The following DOCK2 variants were observed in gnomAD, a reference collection of about 807,000 sequenced individuals.
DOCK2 encodes dedicator of cytokinesis 2.
In DOCK2, 87 loss-of-function variants were observed where a neutral mutation model predicts 248.9. The ratio of observed to expected loss-of-function variants is 0.35; its 90% CI spans 0.29 to 0.42. The LOEUF (loss-of-function observed/expected upper bound fraction) is 0.42, where lower values mean the gene tolerates loss of function less well. Among genes scored for constraint, DOCK2 ranks in the 10% least tolerant of loss-of-function variants. The probability of loss-of-function intolerance (pLI) is 1.00; values close to 1 mark genes in which losing one functional copy is unlikely to be tolerated. For missense variants in DOCK2, 1,747 were observed against 2,300.2 expected (o/e 0.76, Z 4.92); for synonymous variants, 805 against 821.6 (o/e 0.98, Z 0.35).
intron 27 of DOCK2, among the ~76,000 whole-genome samples, chr5:169,926,530 G>C (rs1017041366): frequency 6.6e-6 from 1 of 152,200 alleles, no homozygotes; most frequent in African/African-American, 2.4e-5. Flanking sequence ...TGAGAAAGAT[G>C]AATCTGGGTG....
chr5:169,662,427 GT>G (rs1758495893), intron 2 of DOCK2, among the ~76,000 whole-genome samples: 1 of 151,818 alleles, frequency 6.6e-6, no homozygotes, highest in Non-Finnish European at 1.5e-5. Flanking sequence ...TCATTTTGTT[GT>G]TTTCTTTGGT....
At chr5:170,003,524 G>A (rs982789564) in intron 30 of DOCK2, among the ~76,000 whole-genome samples, 10 of 152,240 alleles carry the variant, frequency 6.6e-5, no homozygotes, top group Non-Finnish European at 4.4e-5. Context: ...TGCAGTCTAG[G>A]AAGGCTTCAT....
At chr5:169,761,659 AG>A (rs1764495689) in intron 25 of DOCK2, 34 bp downstream of exon 25, 2 of 1,581,722 alleles carry the variant, frequency 1.3e-6, no homozygotes, top group African/African-American at 2.7e-5. Flanking sequence ...GGGTGGGGTA[AG>A]GGGCCAATAA....
intron 26 of DOCK2, among the ~76,000 whole-genome samples, chr5:169,822,804 C>A (rs954560123): frequency 6.6e-6 from 1 of 152,068 alleles, no homozygotes; most frequent in African/African-American, 2.4e-5. Flanking sequence ...CACAAAAAAA[C>A]CCTTCAAAAA....
At chr5:169,750,359 C>T (rs1763833196) in intron 23 of DOCK2, among the ~76,000 whole-genome samples, 1 of 152,240 alleles carries the variant, frequency 6.6e-6, no homozygotes, top group Non-Finnish European at 1.5e-5. Context: ...ATTTGCCGCT[C>T]TCAAGACACC....
At chr5:169,985,644 T>C (rs867505837) in intron 28 of DOCK2, among the ~76,000 whole-genome samples, 184 bp from the exon 29 acceptor site, 12 of 152,230 alleles carry the variant, frequency 7.9e-5, no homozygotes, top group African/African-American at 2.7e-4. Context: ...CATGTTCCAC[T>C]GACATTTGGG....
At chr5:169,871,059 CCT>C (rs1771936906) in intron 27 of DOCK2, among the ~76,000 whole-genome samples, 1 of 152,096 alleles carries the variant, frequency 6.6e-6, no homozygotes. Flanking sequence ...GGGAGAGGGA[CCT>C]CTCTGAGTTC....
intron 27 of DOCK2, among the ~76,000 whole-genome samples, chr5:169,854,479 C>T (rs1770790785): frequency 2.0e-5 from 3 of 152,224 alleles, no homozygotes; most frequent in Non-Finnish European, 1.5e-5. Flanking sequence ...CCACCATGCC[C>T]AGCCCTGTAA....
At chr5:169,964,711 C>G (rs2113752804) in intron 27 of DOCK2, among the ~76,000 whole-genome samples, 1 of 152,340 alleles carries the variant, frequency 6.6e-6, no homozygotes, top group Admixed American at 6.5e-5. Context: ...GTCTTCAAAT[C>G]TTATTGGTGC....
At chr5:169,685,911 A>T (rs186789420) in intron 8 of DOCK2, among the ~76,000 whole-genome samples, 3 of 152,238 alleles carry the variant, frequency 2.0e-5, no homozygotes, top group African/African-American at 7.2e-5. Context: ...GCTATTTCCC[A>T]CGTAAGTCTG....
intron 38 of DOCK2, among the ~76,000 whole-genome samples, chr5:170,045,602 A>T (rs766222554): frequency 3.0e-4 from 45 of 152,072 alleles, no homozygotes; most frequent in Non-Finnish European, 4.7e-4. Flanking sequence ...ATCTGTGCCT[A>T]CTCAATTGTT....
chr5:169,789,344 G>T (rs977227241), intron 25 of DOCK2, among the ~76,000 whole-genome samples: 1 of 152,192 alleles, frequency 6.6e-6, no homozygotes, highest in Non-Finnish European at 1.5e-5. Flanking sequence ...ATAATAGAAC[G>T]AATTATATTT....
intron 43 of DOCK2, 63 bp downstream of exon 43, chr5:170,056,831 C>T (rs1757147719): frequency 1.4e-5 from 21 of 1,459,722 alleles, no homozygotes; most frequent in Admixed American, 1.8e-5. Context: ...GAGCATGCAT[C>T]GGCCAGCCTC....
intron 12 of DOCK2, 59 bp downstream of exon 12, chr5:169,699,517 T>C (rs1561612672): frequency 6.6e-7 from 1 of 1,515,634 alleles, no homozygotes; most frequent in Non-Finnish European, 9.0e-7. Context: ...CCCTAACTCT[T>C]CAGCAAATGA....
At chr5:169,681,960 C>T (rs1001172683) in intron 7 of DOCK2, 81 bp downstream of exon 7, 3 of 1,557,558 alleles carry the variant, frequency 1.9e-6, no homozygotes, top group Non-Finnish European at 2.6e-6. Flanking sequence ...GCTAATGAAC[C>T]AGACTGTGTA....
chr5:170,068,636 A>C (rs1468052400), intron 45 of DOCK2, among the ~76,000 whole-genome samples: 35 of 152,206 alleles, frequency 2.3e-4, no homozygotes, highest in Admixed American at 2.3e-3. Flanking sequence ...CATGAGCCCC[A>C]GAAAGGGGCT....
intron 27 of DOCK2, among the ~76,000 whole-genome samples, chr5:169,845,839 T>C (rs766560683): frequency 1.3e-5 from 2 of 152,164 alleles, no homozygotes; most frequent in Non-Finnish European, 2.9e-5. Context: ...GGAGCAGAAA[T>C]GTACCTGAAA....
At chr5:169,916,105 C>G (rs1774859802) in intron 27 of DOCK2, among the ~76,000 whole-genome samples, 1 of 152,178 alleles carries the variant, frequency 6.6e-6, no homozygotes, top group Non-Finnish European at 1.5e-5. Context: ...AATGAGAATT[C>G]AAACTAGATT....
chr5:170,046,734 T>C (rs1254047209), intron 39 of DOCK2, among the ~76,000 whole-genome samples: 1 of 151,916 alleles, frequency 6.6e-6, no homozygotes, highest in Non-Finnish European at 1.5e-5. Context: ...TCCACATAGA[T>C]GTTTGCCAAT....
Sources: gnomAD v4.1 joint callset for allele counts (sites outside exome capture counted in the v4.1 genomes callset) on GRCh38, gnomAD v4.1.1 for gene constraint, MANE v1.5 for transcripts, NCBI Gene and HGNC (gene_info 2026-07-23, HGNC 2026-07-21) for gene names.